The following IGF1R variants were observed in gnomAD, a reference collection of about 807,000 sequenced individuals.
IGF1R encodes insulin-like growth factor 1 receptor.
In IGF1R, 44 loss-of-function variants were observed where a neutral mutation model predicts 144.6. That is an observed-to-expected ratio of 0.30 (90% CI 0.24 to 0.39). The LOEUF (loss-of-function observed/expected upper bound fraction) is 0.39. Among genes scored for constraint, IGF1R ranks in the 10% least tolerant of loss-of-function variants. The pLI is 1.00. For missense variants in IGF1R, 1,355 were observed against 1,833.7 expected, an observed-to-expected ratio of 0.74 and a Z score of 4.77; for synonymous variants, 795 against 722.8, an observed-to-expected ratio of 1.10 and a Z score of -1.60.
chr15:98,897,006 TTAGA>T, intron 4 of IGF1R, 101 bp downstream of exon 4: 2 of 1,109,414 alleles, frequency 1.8e-6, no homozygotes, highest in Admixed American at 1.8e-5. Flanking sequence ...AAATATGGGC[TTAGA>T]TAAACAACAT....
intron 20 of IGF1R, among the ~76,000 whole-genome samples, chr15:98,953,841 T>C (rs1394786470): frequency 1.3e-5 from 2 of 152,202 alleles, no homozygotes; most frequent in African/African-American, 4.8e-5. Flanking sequence ...CCTGGTTTGG[T>C]TCTGCGGGAA....
intron 2 of IGF1R, among the ~76,000 whole-genome samples, chr15:98,869,290 T>A (rs905062356): frequency 1.7e-5 from 2 of 120,130 alleles, no homozygotes; most frequent in Non-Finnish European, 3.3e-5. Flanking sequence ...AGCTTTCAAT[T>A]AAAAAAAACA....
chr15:98,678,849 T>A (rs1373929032), intron 1 of IGF1R, among the ~76,000 whole-genome samples: 1 of 151,820 alleles, frequency 6.6e-6, no homozygotes, highest in African/African-American at 2.4e-5. Context: ...GTTTTTGTTT[T>A]GTGACAGCTT....
At chr15:98,933,448 A>G (rs56170751) in intron 15 of IGF1R, among the ~76,000 whole-genome samples, 50,820 of 151,852 alleles carry the variant, frequency 0.33, 9,373 homozygotes, top group Non-Finnish European at 0.42. Flanking sequence ...GGCTCAGGCG[A>G]TTCTCCTGCC....
At chr15:98,790,196 G>A (rs998124478) in intron 2 of IGF1R, among the ~76,000 whole-genome samples, 1 of 152,160 alleles carries the variant, frequency 6.6e-6, no homozygotes, top group Admixed American at 6.5e-5. Context: ...GCATTTTGGG[G>A]TACTATATGT....
chr15:98,720,060 A>G (rs1012808001), intron 2 of IGF1R, among the ~76,000 whole-genome samples: 3 of 152,354 alleles, frequency 2.0e-5, no homozygotes, highest in Non-Finnish European at 4.4e-5. Flanking sequence ...TTGGTTATAC[A>G]TAGTGCATTT....
intron 17 of IGF1R, 100 bp from the exon 18 acceptor site, chr15:98,939,101 T>A (rs2151713520): frequency 3.1e-6 from 3 of 956,716 alleles, no homozygotes; most frequent in Non-Finnish European, 5.0e-6. Context: ...CAACCCACGG[T>A]GCCCAGATTG....
In IGF1R at chr15:98,959,376, C is replaced by G. The variant is rs1269316405; in HGVS notation, c.*1934C>G. 5 of 233,800 alleles carry G rather than the reference C, an allele frequency of 2.1e-5. No individual in the cohort carries two copies. The highest frequency in any genetic ancestry group is 4.4e-5 in the African/African-American group (2 of 45,484). 14.5% of individuals were successfully genotyped at this position (233,800 alleles called of 1,614,324 possible). A position where few individuals can be genotyped will look rare whatever the true frequency, so the allele number is the denominator to read the frequency against. On this transcript the variant is annotated 3_prime_UTR_variant, in exon 21 of 21. Transcript: ENST00000650285. ...GGCCTGTTGTGGCCCTCGCCACCCCCCTCACCGGACCGACTGACCTGTCTT... is the reference window on the plus strand; with the variant it reads ...GGCCTGTTGTGGCCCTCGCCACCCCGCTCACCGGACCGACTGACCTGTCTT...
At chr15:98,810,642 G>A (rs555946329) in intron 2 of IGF1R, among the ~76,000 whole-genome samples, 76 of 150,876 alleles carry the variant, frequency 5.0e-4, no homozygotes, top group African/African-American at 1.5e-3. Context: ...TCCGCCTCCC[G>A]GCTTCACGCC....
Position 98,963,537 on chromosome 15 carries a change from C to G in IGF1R, c.*6095C>G, listed in dbSNP as rs139748785. 7.9e-4 allele frequency: 184 copies of G among 233,218 alleles called. No homozygotes were observed. The highest frequency in any genetic ancestry group is 2.5e-3 in the Middle Eastern group (2 of 786). The allele number at this position is 233,218 out of a possible 1,614,324, so 14.4% of individuals were successfully genotyped here. A position where few individuals can be genotyped will look rare whatever the true frequency, so the allele number is the denominator to read the frequency against. On this transcript the variant is annotated 3_prime_UTR_variant, in exon 21 of 21. Coordinates refer to ENST00000650285, the MANE Select transcript of IGF1R (RefSeq NM_000875.5). Reference sequence around the variant, plus strand: ...GAGCCCAGCAGTGCATGGCACCGTTCGGCATCTGGCTTGATTGGTCTGGCT... The same window carrying G: ...GAGCCCAGCAGTGCATGGCACCGTTGGGCATCTGGCTTGATTGGTCTGGCT...
At position 98,934,950 on chromosome 15, in the gene IGF1R, C is replaced by G. The variant is rs1219183782; in HGVS notation, c.3083C>G (p.Thr1028Ser). ...GGTGTGGTGAAAGATGAACCTGAAACCAGAGTGGCCATTAAAACAGTGAAC... is the reference window on the plus strand; with the variant it reads ...GGTGTGGTGAAAGATGAACCTGAAAGCAGAGTGGCCATTAAAACAGTGAAC... ...AKGVVKDEPE[T>S]RVAIKTVNEA... The change falls in exon 16 of 21, where the codon ACC becomes AGC. Residue 1028 changes from threonine (T) to serine (S), a missense_variant. Physicochemically the swap from Thr to Ser is moderately conservative, Grantham distance 58 (BLOSUM62 1). Transcript: ENST00000650285. 1.2e-6 allele frequency: 2 copies of G among 1,614,092 alleles called. No individual in the cohort carries two copies. Among genetic ancestry groups the G allele is most frequent in the Non-Finnish European group, 8.5e-7 (1 of 1,180,024 alleles).
chr15:98,752,554 G>A (rs1800883220), intron 2 of IGF1R, among the ~76,000 whole-genome samples: 2 of 152,054 alleles, frequency 1.3e-5, no homozygotes, highest in African/African-American at 4.8e-5. Flanking sequence ...GTGGTGGCGG[G>A]CACCTGTAAT....
rs878926351 is a variant in IGF1R, at chr15:98,964,451, G to A, written c.*7009G>A. 2 of 226,398 alleles carry A rather than the reference G, an allele frequency of 8.8e-6. No homozygotes were observed. Among genetic ancestry groups the A allele is most frequent in the South Asian group, 3.6e-4 (2 of 5,500 alleles). The allele number at this position is 226,398 out of a possible 1,614,324, so 14.0% of individuals were successfully genotyped here. On this transcript the variant is annotated 3_prime_UTR_variant, in exon 21 of 21. Transcript: ENST00000650285. ...TCTATTTTGAATGGCTGAAGCTAAG[G>A]CAACGTTAGTTTCTCTTACTCTGCT...
In IGF1R at chr15:98,891,507, C is replaced by G; in HGVS notation, c.823C>G (p.Arg275Gly). The change falls in exon 3 of 21, where the codon CGC (arginine) becomes GGC (glycine). Residue 275 changes from arginine to glycine, a missense_variant. Physicochemically the swap from Arg to Gly is moderately radical, Grantham distance 125. Around this residue, in one of 7 missense-constraint regions of IGF1R, gnomAD observed 880 missense variants for 1,202.7 expected, o/e 0.73. Transcript: ENST00000650285. The surrounding 1 kb of genome is among the most constrained non-coding windows in gnomAD (Gnocchi z 4.7). ...PPNTYRFEGW[R>G]CVDRDFCANI... ...CAACACCTACAGGTTTGAGGGCTGG[C>G]GCTGTGTGGACCGTGACTTCTGCGC... 6.2e-7 allele frequency: 1 copy of G among 1,613,770 alleles called. No individual in the cohort carries two copies. The highest frequency in any genetic ancestry group is 8.5e-7 in the Non-Finnish European group (1 of 1,180,036).
intron 2 of IGF1R, among the ~76,000 whole-genome samples, chr15:98,841,414 G>A (rs546382117): frequency 7.2e-5 from 11 of 152,286 alleles, no homozygotes; most frequent in Admixed American, 3.9e-4. Flanking sequence ...GTTACTATAC[G>A]TAAAGTTTTT....
chr15:98,649,775 G>T (rs1370492523), intron 1 of IGF1R, 100 bp downstream of exon 1: 7 of 895,076 alleles, frequency 7.8e-6, no homozygotes, highest in Non-Finnish European at 1.2e-5. Context: ...GCAGCTGTCG[G>T]GCCCCCGGGC....
chr15:98,736,180 T>C (rs1253270107), intron 2 of IGF1R, among the ~76,000 whole-genome samples: 1 of 152,226 alleles, frequency 6.6e-6, no homozygotes, highest in Non-Finnish European at 1.5e-5. Context: ...ATCCATATCC[T>C]GTTAGTTCAC....
At chr15:98,778,939 C>G (rs2055786434) in intron 2 of IGF1R, among the ~76,000 whole-genome samples, 2 of 152,212 alleles carry the variant, frequency 1.3e-5, no homozygotes, top group African/African-American at 4.8e-5. Flanking sequence ...AGCTGTCTTT[C>G]TTCTTATGAA....
intron 2 of IGF1R, among the ~76,000 whole-genome samples, chr15:98,883,796 T>C (rs1279036938): frequency 6.6e-6 from 1 of 152,152 alleles, no homozygotes; most frequent in African/African-American, 2.4e-5. Context: ...CCGGGCTGCC[T>C]CTGCCTCCCT....
Sources: allele counts gnomAD v4.1 joint callset (sites outside exome capture counted in the v4.1 genomes callset), GRCh38; gene constraint gnomAD v4.1.1; regional missense constraint gnomAD v4.1.1; non-coding constraint Gnocchi (gnomAD v3.1); transcripts MANE v1.5; gene names NCBI Gene and HGNC (gene_info 2026-07-23, HGNC 2026-07-21).